The following PANK1 variants were observed in gnomAD, a reference collection of about 807,000 sequenced individuals.
PANK1 encodes pantothenate kinase 1.
PANK1 carries 18 observed loss-of-function variants against 40.1 expected under a neutral mutation model. The observed-to-expected ratio is 0.45, with a 90% CI of 0.31 to 0.67. PANK1 has a LOEUF of 0.67. Among genes scored for constraint, PANK1 ranks in the 30% least tolerant of loss-of-function variants. The pLI, the probability that PANK1 is intolerant of heterozygous loss-of-function variation, is 0.06. For synonymous variants in PANK1, 242 were observed against 237.7 expected, an observed-to-expected ratio of 1.02 and a Z score of -0.17; for missense variants, 457 against 599.6, an observed-to-expected ratio of 0.76 and a Z score of 2.48.
rs145670728 is a variant in PANK1, at chr10:89,636,438, C to T, written c.292+8162G>A. On this transcript the variant is annotated intron_variant, in intron 1 of 6. Transcript: ENST00000307534. ...TGCAGGCTCGGCCCCCCGGGGTGCA[C>T]GCCATTCTCCTGCCTCATATTATTA... 3.0e-4 allele frequency among the ~76,000 whole-genome samples: 45 copies of T among 151,670 alleles called. No homozygotes were observed. In the East Asian group the frequency reaches 7.8e-3, roughly 26 times the overall value.
rs569530683 is a variant in PANK1, at chr10:89,645,178, C to G, written c.-287G>C. On this transcript the variant is annotated 5_prime_UTR_variant, in exon 1 of 7. Transcript: ENST00000307534. ...CGCGCACCCCCAGCCGGGGCTCCCG[C>G]CGCCCGCCTTCCCCTGATCCCCAGG... 6 of 1,565,948 alleles carry G rather than the reference C, an allele frequency of 3.8e-6. No individual in the cohort carries two copies. Among genetic ancestry groups the G allele is most frequent in the Non-Finnish European group, 5.2e-6 (6 of 1,159,400 alleles).
At chr10:89,595,245 G>GT (rs1251796007) in intron 3 of PANK1, among the ~76,000 whole-genome samples, 1 of 152,080 alleles carries the variant, frequency 6.6e-6, no homozygotes, top group African/African-American at 2.4e-5. Context: ...GAGGTCAGGA[G>GT]TTTGAGACCA....
chr10:89,598,343 T>C (rs1331042871), intron 3 of PANK1, among the ~76,000 whole-genome samples: 1 of 152,212 alleles, frequency 6.6e-6, no homozygotes, highest in Admixed American at 6.5e-5. Context: ...AACAGCACCC[T>C]TCATGGCAGA....
At chr10:89,621,929 G>A (rs1277993051) in intron 1 of PANK1, among the ~76,000 whole-genome samples, 1 of 152,172 alleles carries the variant, frequency 6.6e-6, no homozygotes, top group Non-Finnish European at 1.5e-5. Flanking sequence ...GGCCAGACTG[G>A]TCTTGAACTC....
intron 2 of PANK1, among the ~76,000 whole-genome samples, chr10:89,601,309 TAAAA>T (rs11317815): frequency 3.8e-5 from 2 of 52,676 alleles, no homozygotes; most frequent in African/African-American, 1.6e-4. Context: ...ACCCATCTCT[TAAAA>T]AAAAAAAAAA....
At chr10:89,632,557 T>A (rs189742171) in intron 1 of PANK1, among the ~76,000 whole-genome samples, 12 of 152,230 alleles carry the variant, frequency 7.9e-5, no homozygotes, top group Admixed American at 7.9e-4. Flanking sequence ...ATAACTGAAG[T>A]CATTAAAAAA....
intron 1 of PANK1, chr10:89,644,038 T>G (rs1842038216): frequency 3.1e-6 from 1 of 325,470 alleles, no homozygotes; most frequent in African/African-American, 2.1e-5. Context: ...AACCCTCTCA[T>G]TGGCCGTGAA....
intron 2 of PANK1, among the ~76,000 whole-genome samples, chr10:89,605,524 T>C (rs1368386096): frequency 6.6e-6 from 1 of 152,238 alleles, no homozygotes; most frequent in East Asian, 1.9e-4. Context: ...GAGGTAACTC[T>C]TCATTCTTTC....
intron 5 of PANK1, among the ~76,000 whole-genome samples, chr10:89,589,903 A>T (rs545304498): frequency 6.6e-6 from 1 of 151,948 alleles, no homozygotes; most frequent in Admixed American, 6.6e-5. Flanking sequence ...AGGGGAGTCC[A>T]AGGGAGGATT....
intron 2 of PANK1, 130 bp from the exon 3 acceptor site, chr10:89,599,635 A>C (rs1052152150): frequency 2.2e-6 from 2 of 890,824 alleles, no homozygotes; most frequent in Non-Finnish European, 3.4e-6. Flanking sequence ...AACAAGTTGT[A>C]AAATCTTGCA....
rs1316678604 is a variant in PANK1 at position 89,584,297 on chromosome 10, C to T, written c.*109G>A. ...AAATTATTTACAAATCCAGCAGGTT[C>T]ATCTGCCATAATGGCTTGGCTTCCG... On this transcript the variant is annotated 3_prime_UTR_variant, in exon 7 of 7. Transcript: ENST00000307534. 2.9e-6 allele frequency: 2 copies of T among 693,412 alleles called. No individual in the cohort carries two copies. Among genetic ancestry groups the T allele is most frequent in the Non-Finnish European group, 5.3e-6 (2 of 377,022 alleles). 43.0% of individuals were successfully genotyped at this position (693,412 alleles called of 1,614,324 possible). A position where few individuals can be genotyped will look rare whatever the true frequency, so the allele number is the denominator to read the frequency against.
rs376656328 is a variant in PANK1 at position 89,612,041 on chromosome 10, T to C, written c.300A>G (p.Pro100=). The change falls in exon 2 of 7, where the codon CCA becomes CCG. Residue 100 remains proline, a synonymous_variant. Transcript: ENST00000307534. ...TTCCACCGATGTCCATGCCAAACCA[T>C]GGGAATGCTAAAGGACAGAAAGAAA... ...DSGRKNRPPF[P]WFGMDIGGTL... 6 of 1,612,112 alleles carry C rather than the reference T, an allele frequency of 3.7e-6. No homozygotes were observed. The highest frequency in any genetic ancestry group is 1.7e-5 in the Admixed American group (1 of 59,930).
chr10:89,619,940 T>C (rs1031262066), intron 1 of PANK1, among the ~76,000 whole-genome samples: 2 of 152,190 alleles, frequency 1.3e-5, no homozygotes, highest in South Asian at 2.1e-4. Flanking sequence ...TTCATGGACA[T>C]TTATTAGTTC....
intron 5 of PANK1, chr10:89,592,814 C>T (rs759501995): frequency 1.9e-6 from 1 of 536,684 alleles, no homozygotes; most frequent in East Asian, 5.4e-5. Flanking sequence ...TGTAAAGAAG[C>T]TGAAAGCAGA....
Position 89,616,876 on chromosome 10 carries a change from A to C in PANK1, c.293-4828T>G, listed in dbSNP as rs551610917. On this transcript the variant is annotated intron_variant, in intron 1 of 6. Transcript: ENST00000307534. ...GCGGAGGTTGCAGTGAGCCGAGATC[A>C]CTCCACTGCACTCCAGCCTGGGGGA... 7.5e-3 allele frequency among the ~76,000 whole-genome samples: 1,143 copies of C among 151,650 alleles called. 15 individuals carry two copies. Among genetic ancestry groups the C allele is most frequent in the African/African-American group, 0.026 (1,074 of 41,108 alleles).
At chr10:89,612,069 G>T (rs759472384) in intron 1 of PANK1, 21 bp from the exon 2 acceptor site, 5 of 1,593,466 alleles carry the variant, frequency 3.1e-6, no homozygotes, top group Non-Finnish European at 4.3e-6. Flanking sequence ...GAAAGAAAGA[G>T]TGCTGCTGAA....
intron 2 of PANK1, among the ~76,000 whole-genome samples, chr10:89,603,401 C>T (rs957860667): frequency 6.6e-6 from 1 of 152,004 alleles, no homozygotes; most frequent in Non-Finnish European, 1.5e-5. Flanking sequence ...AAATTTAAGC[C>T]ACTCCTCAAA....
intron 1 of PANK1, among the ~76,000 whole-genome samples, chr10:89,636,123 G>T (rs1306221041): frequency 6.6e-6 from 1 of 152,114 alleles, no homozygotes; most frequent in Admixed American, 6.5e-5. Flanking sequence ...GTTGGTGTGA[G>T]CCCACTCCTT....
At chr10:89,596,390 T>C (rs1191596557) in intron 3 of PANK1, among the ~76,000 whole-genome samples, 1 of 152,154 alleles carries the variant, frequency 6.6e-6, no homozygotes, top group East Asian at 1.9e-4. Flanking sequence ...GGCTGATGTG[T>C]TGGTATAAAT....
Sources: allele counts gnomAD v4.1 joint callset (sites outside exome capture counted in the v4.1 genomes callset), GRCh38; gene constraint gnomAD v4.1.1; transcripts MANE v1.5; gene names NCBI Gene and HGNC (gene_info 2026-07-23, HGNC 2026-07-21).